ABLIM2: variants seen among roughly 807,000 people sequenced by gnomAD.
ABLIM2 encodes actin binding LIM protein family member 2.
ABLIM2 carries 53 observed loss-of-function variants against 97.7 expected under a neutral mutation model. The ratio of observed to expected loss-of-function variants is 0.54; its 90% CI spans 0.44 to 0.68. The LOEUF (loss-of-function observed/expected upper bound fraction) is 0.68, where lower values mean the gene tolerates loss of function less well. Among genes scored for constraint, ABLIM2 ranks in the 30% least tolerant of loss-of-function variants. The pLI is 0.00. For synonymous variants in ABLIM2, 361 were observed against 345.8 expected, an observed-to-expected ratio of 1.04 and a Z score of -0.49; for missense variants, 835 against 867.2, an observed-to-expected ratio of 0.96 and a Z score of 0.47.
At chr4:8,013,283 C>T (rs185962931) in intron 14 of ABLIM2, among the ~76,000 whole-genome samples, 250 of 131,014 alleles carry the variant, frequency 1.9e-3, no homozygotes, top group Admixed American at 5.4e-3. Context: ...AGTGCAATGG[C>T]GCAATCTCGG....
chr4:8,135,404 G>GC (rs909180149), intron 1 of ABLIM2, among the ~76,000 whole-genome samples: 7 of 152,196 alleles, frequency 4.6e-5, no homozygotes, highest in African/African-American at 1.2e-4. Context: ...CGAAGTCCTT[G>GC]CCCCCAGTGT....
chr4:8,149,681 G>A lies in ABLIM2; in HGVS notation c.10+8999C>T, dbSNP rs1475340010. On this transcript the variant is annotated intron_variant, in intron 1 of 20. Transcript: ENST00000447017. The surrounding 1 kb of genome is among the most constrained non-coding windows in gnomAD (Gnocchi z 6.4). The stretch of plus-strand genomic sequence containing the variant: ...AGGGCAAAGACAGCACATAGTAGGT[G>A]CTTAATAAATAGTCGTGGAGGGACA... 2.0e-5 allele frequency among the ~76,000 whole-genome samples: 3 copies of A among 151,974 alleles called. No individual in the cohort carries two copies. The highest frequency in any genetic ancestry group is 4.8e-5 in the African/African-American group (2 of 41,388).
chr4:8,083,166 A>T lies in ABLIM2; in HGVS notation c.455-2364T>A, dbSNP rs1344935944. Among the ~76,000 whole-genome samples the T allele has an allele frequency of 6.6e-6, 1 of 152,140 alleles. No individual in the cohort carries two copies. Among genetic ancestry groups the T allele is most frequent in the African/African-American group, 2.4e-5 (1 of 41,418 alleles). On this transcript the variant is annotated intron_variant, in intron 4 of 20. Transcript: ENST00000447017. This position sits in a 1 kb window ranked among gnomAD's most constrained non-coding sequence, Gnocchi z 4.6. ...TCCAAGCCTCTGTTGGCTTCTCTGC[A>T]TGTCAAGGGAGCACAGCACATGGGG...
In ABLIM2 at chr4:7,992,992, C is replaced by A; in HGVS notation, c.1619-65G>T. ...TCGGTGCAGCAATGGGGGTGCAGCC[C>A]TGGGGGGGCTTCCCACCGGGGTGGG... On this transcript the variant is annotated intron_variant, in intron 16 of 20. Transcript: ENST00000447017. This position sits in a 1 kb window ranked among gnomAD's most constrained non-coding sequence, Gnocchi z 5.7. 6.4e-7 allele frequency: 1 copy of A among 1,558,842 alleles called. No homozygotes were observed. The highest frequency in any genetic ancestry group is 2.3e-5 in the East Asian group (1 of 43,944).
In ABLIM2 at chr4:8,071,326, G is replaced by C. The variant is rs576887213; in HGVS notation, c.675+6302C>G. 5.7e-4 allele frequency among the ~76,000 whole-genome samples: 87 copies of C among 152,192 alleles called. No homozygotes were observed. The highest frequency in any genetic ancestry group is 2.1e-3 in the African/African-American group (86 of 41,530). On this transcript the variant is annotated intron_variant, in intron 6 of 20. Transcript: ENST00000447017. This position sits in a 1 kb window ranked among gnomAD's most constrained non-coding sequence, Gnocchi z 6.2. ...CCTCCCATGCCCCCACAGGACCCCA[G>C]CAAGGAGCCGGCTCATCAGGACAGA...
chr4:8,119,002 T>C (rs1319946667), intron 1 of ABLIM2, among the ~76,000 whole-genome samples: 1 of 152,202 alleles, frequency 6.6e-6, no homozygotes, highest in Non-Finnish European at 1.5e-5. Context: ...TGGGGTGACC[T>C]TGAGCAAGTC....
chr4:8,091,060 C>A (rs1256809567), intron 3 of ABLIM2, among the ~76,000 whole-genome samples: 1 of 151,116 alleles, frequency 6.6e-6, no homozygotes, highest in Non-Finnish European at 1.5e-5. Flanking sequence ...AGCCGGTTTC[C>A]ATGGCCGTTG....
chr4:7,982,160 T>G (rs13126114), intron 20 of ABLIM2, among the ~76,000 whole-genome samples: 1 of 136,666 alleles, frequency 7.3e-6, no homozygotes, highest in African/African-American at 2.7e-5. Context: ...AGCAGCAGAC[T>G]GAGCCACCGC....
intron 7 of ABLIM2, among the ~76,000 whole-genome samples, chr4:8,056,112 C>CAGAAAAAAA (rs1798921259): frequency 1.5e-5 from 1 of 68,334 alleles, no homozygotes; most frequent in African/African-American, 6.8e-5. Context: ...GACTCTGTCT[C>CAGAAAAAAA]AAAAAAAAAA....
At chr4:8,052,384 C>T (rs60624370) in intron 8 of ABLIM2, among the ~76,000 whole-genome samples, 2 of 152,284 alleles carry the variant, frequency 1.3e-5, no homozygotes, top group African/African-American at 2.4e-5. Flanking sequence ...TGAGACCCAG[C>T]GCAGCCTCAG....
Position 8,147,828 on chromosome 4 carries a change from G to A in ABLIM2, c.10+10852C>T, listed in dbSNP as rs1286651792. Among the ~76,000 whole-genome samples, 1 of 152,244 alleles carries A rather than the reference G, an allele frequency of 6.6e-6. No individual in the cohort carries two copies. The highest frequency in any genetic ancestry group is 2.4e-5 in the African/African-American group (1 of 41,462). ...AGCCTCCCAGCTTGTGGTCACTGGT[G>A]ACCGCAGCCCCTAGACACTCACAGG... On this transcript the variant is annotated intron_variant, in intron 1 of 20. Transcript: ENST00000447017. This position sits in a 1 kb window ranked among gnomAD's most constrained non-coding sequence, Gnocchi z 5.3.
At position 8,011,413 on chromosome 4, in the gene ABLIM2, G is replaced by A. The variant is rs1316317005; in HGVS notation, c.1424-2311C>T. 3.3e-5 allele frequency among the ~76,000 whole-genome samples: 5 copies of A among 152,184 alleles called. No individual in the cohort carries two copies. The East Asian group carries it at 9.6e-4, about 29-fold the overall frequency. Reference sequence around the variant, plus strand: ...GAGTCTCTTGAGAACTAGGAGCTTGGGTAGGAAAAGACAGGAAACTGGCAC... The same window carrying A: ...GAGTCTCTTGAGAACTAGGAGCTTGAGTAGGAAAAGACAGGAAACTGGCAC... On this transcript the variant is annotated intron_variant, in intron 14 of 20. Coordinates refer to ENST00000447017, the MANE Select transcript of ABLIM2 (RefSeq NM_001130083.2).
chr4:8,013,187 GCA>G (rs1223096420), intron 14 of ABLIM2, among the ~76,000 whole-genome samples: 6 of 150,286 alleles, frequency 4.0e-5, no homozygotes, highest in African/African-American at 1.5e-4. Flanking sequence ...CATCAGATAA[GCA>G]CTGTATTGTG....
Position 8,087,511 on chromosome 4 carries a change from C to T in ABLIM2, c.454+658G>A, listed in dbSNP as rs886109003. ...CCCAAGGGCCCCTGACTGCGGGAGCCCGGAGCTCAGTGTTCCTCTACAGGT... is the reference window on the plus strand; with the variant it reads ...CCCAAGGGCCCCTGACTGCGGGAGCTCGGAGCTCAGTGTTCCTCTACAGGT... On this transcript the variant is annotated intron_variant, in intron 4 of 20. Coordinates refer to ENST00000447017, the MANE Select transcript of ABLIM2 (RefSeq NM_001130083.2). The surrounding 1 kb of genome is among the most constrained non-coding windows in gnomAD (Gnocchi z 4.6). Among the ~76,000 whole-genome samples the T allele has an allele frequency of 2.6e-5, 4 of 152,206 alleles. No individual in the cohort carries two copies. Among genetic ancestry groups the T allele is most frequent in the African/African-American group, 9.6e-5 (4 of 41,458 alleles).
Position 7,966,134 on chromosome 4 carries a change from A to G in ABLIM2, c.*856T>C, listed in dbSNP as rs1299835174. On this transcript the variant is annotated 3_prime_UTR_variant, in exon 21 of 21. Coordinates refer to ENST00000447017, the MANE Select transcript of ABLIM2 (RefSeq NM_001130083.2). ...TGTGACGAGAAAAAGAAAAAAGAAA[A>G]AGAAAAGAAACTAGACAGGGAGCTC... 2 of 152,346 alleles carry G rather than the reference A, an allele frequency of 1.3e-5. No homozygotes were observed. The highest frequency in any genetic ancestry group is 1.5e-5 in the Non-Finnish European group (1 of 68,086). 9.4% of individuals were successfully genotyped at this position (152,346 alleles called of 1,614,324 possible).
At position 8,019,485 on chromosome 4, in the gene ABLIM2, G is replaced by A; in HGVS notation, c.1423+133C>T. 2 of 776,874 alleles carry A rather than the reference G, an allele frequency of 2.6e-6. No individual in the cohort carries two copies. The highest frequency in any genetic ancestry group is 4.0e-6 in the Non-Finnish European group (2 of 497,150). 48.1% of individuals were successfully genotyped at this position (776,874 alleles called of 1,614,324 possible). On this transcript the variant is annotated intron_variant, in intron 14 of 20. Transcript: ENST00000447017. This position sits in a 1 kb window ranked among gnomAD's most constrained non-coding sequence, Gnocchi z 4.3. ...GCTGCTAGTGAATTTGCATTTAATAGTCAGACTGCTAAGGGCCTTGGTGGT... is the reference window on the plus strand; with the variant it reads ...GCTGCTAGTGAATTTGCATTTAATAATCAGACTGCTAAGGGCCTTGGTGGT...
Position 8,149,456 on chromosome 4 carries a change from C to T in ABLIM2, c.10+9224G>A, listed in dbSNP as rs1432484838. Among the ~76,000 whole-genome samples the T allele has an allele frequency of 6.6e-6, 1 of 151,792 alleles. No homozygotes were observed. The highest frequency in any genetic ancestry group is 1.5e-5 in the Non-Finnish European group (1 of 67,974). The stretch of plus-strand genomic sequence containing the variant: ...GCTGCAGAGCAGGCAGGAGCAGGCA[C>T]AAATCTCCACAGGAAACCCCAGCTT... On this transcript the variant is annotated intron_variant, in intron 1 of 20. Transcript: ENST00000447017. This position sits in a 1 kb window ranked among gnomAD's most constrained non-coding sequence, Gnocchi z 6.4.
chr4:7,979,409 G>A (rs972666115), intron 20 of ABLIM2, among the ~76,000 whole-genome samples: 2 of 152,128 alleles, frequency 1.3e-5, no homozygotes, highest in South Asian at 2.1e-4. Flanking sequence ...CCTGTGGCCC[G>A]GCATTCTCTT....
chr4:8,101,278 C>T (rs935181819), intron 2 of ABLIM2, among the ~76,000 whole-genome samples: 10 of 152,192 alleles, frequency 6.6e-5, no homozygotes, highest in Middle Eastern at 3.2e-3. Context: ...ATGAGGCAGA[C>T]GTCATCTGAG....
Sources: gnomAD v4.1 joint callset for allele counts (sites outside exome capture counted in the v4.1 genomes callset) on GRCh38, gnomAD v4.1.1 for gene constraint, Gnocchi (gnomAD v3.1) non-coding constraint, MANE v1.5 for transcripts, NCBI Gene and HGNC (gene_info 2026-07-23, HGNC 2026-07-21) for gene names.